Variants in VIRMA observed in about 807,000 individuals in gnomAD.
The protein encoded by VIRMA is vir like m6A methyltransferase associated.
Under a neutral mutation model 182.4 loss-of-function variants are expected in VIRMA, and 65 were observed. That is an observed-to-expected ratio of 0.36 (90% CI 0.29 to 0.44). The LOEUF (loss-of-function observed/expected upper bound fraction) is 0.44. Ranked by LOEUF, VIRMA falls within the 20% of genes least tolerant of loss-of-function variation. The probability of loss-of-function intolerance (pLI) is 1.00; values close to 1 mark genes in which losing one functional copy is unlikely to be tolerated. For missense variants in VIRMA, 1,752 were observed against 2,158.1 expected, an observed-to-expected ratio of 0.81 and a Z score of 3.73; for synonymous variants, 709 against 743.1, an observed-to-expected ratio of 0.95 and a Z score of 0.75.
chr8:94,546,371 C>G (rs768980053), intron 1 of VIRMA, among the ~76,000 whole-genome samples: 1 of 150,918 alleles, frequency 6.6e-6, no homozygotes, highest in Non-Finnish European at 1.5e-5. Context: ...ACATATTGCC[C>G]AAGACATTAT....
At position 94,543,949 on chromosome 8, in the gene VIRMA, C is replaced by CA. The variant is rs772360307; in HGVS notation, c.64-8dup. The CA allele has an allele frequency of 4.0e-4, 573 of 1,436,646 alleles. No homozygotes were observed. Among genetic ancestry groups the CA allele is most frequent in the African/African-American group, 8.7e-4 (60 of 68,824 alleles). 89.0% of individuals were successfully genotyped at this position (1,436,646 alleles called of 1,614,324 possible). A position where few individuals can be genotyped will look rare whatever the true frequency, so the allele number is the denominator to read the frequency against. On this transcript the variant is annotated splice_region_variant and splice_polypyrimidine_tract_variant and intron_variant, in intron 1 of 23. Coordinates refer to ENST00000297591, the MANE Select transcript of VIRMA (RefSeq NM_015496.5). ...CATCTATATGAGAACTTTGCTGTAACAAAAAAAAAGCCGGAGGGGGAGGGG... is the reference window on the plus strand; with the variant it reads ...CATCTATATGAGAACTTTGCTGTAACAAAAAAAAAAGCCGGAGGGGGAGGGG...
intron 1 of VIRMA, 32 bp from the exon 2 acceptor site, chr8:94,543,974 G>T: frequency 9.1e-7 from 1 of 1,102,256 alleles, no homozygotes; most frequent in Non-Finnish European, 1.4e-6. Flanking sequence ...AGGGGGAGGG[G>T]TTCGGAACAT....
intron 1 of VIRMA, chr8:94,547,186 T>G (rs1815800929): frequency 3.1e-6 from 1 of 324,550 alleles, no homozygotes; most frequent in African/African-American, 2.3e-5. Flanking sequence ...TTACTGTATA[T>G]TCATAGTGCC....
At chr8:94,544,615 C>T (rs564062490) in intron 1 of VIRMA, among the ~76,000 whole-genome samples, 9 of 142,728 alleles carry the variant, frequency 6.3e-5, no homozygotes, top group African/African-American at 2.3e-4. Flanking sequence ...GTGCTGAGAT[C>T]GCGCCACTGC....
At chr8:94,514,768 TAAC>T in intron 11 of VIRMA, 98 bp downstream of exon 11, 1 of 641,698 alleles carries the variant, frequency 1.6e-6, no homozygotes, top group Non-Finnish European at 2.8e-6. Context: ...CAAGGACACT[TAAC>T]AATGTCTACA....
In VIRMA at chr8:94,543,619, A is replaced by C. The variant is rs186336184; in HGVS notation, c.179+208T>G. ...AATAAAGAAAAATCTTATCTAGTAC[A>C]CAGGTCAAATAATTACTGTTTTCAG... On this transcript the variant is annotated intron_variant, in intron 2 of 23. Transcript: ENST00000297591. 4.6e-5 allele frequency among the ~76,000 whole-genome samples: 7 copies of C among 152,178 alleles called. No individual in the cohort carries two copies. In the East Asian group the frequency reaches 1.3e-3, roughly 29 times the overall value.
chr8:94,495,794 C>T lies in VIRMA; in HGVS notation c.4481G>A (p.Ser1494Asn), dbSNP rs367623928. Residue 1494 changes from serine to asparagine, a missense_variant, in exon 19 of 24, where the codon AGT (serine) becomes AAT (asparagine). Ser to Asn is a conservative substitution (Grantham distance 46, BLOSUM62 1). This residue lies in a region of VIRMA where 777 missense variants were observed against 920.6 expected (regional missense o/e 0.84). Coordinates refer to ENST00000297591, the MANE Select transcript of VIRMA (RefSeq NM_015496.5). The part of the protein sequence containing the change: ...LESSGDPLPL[S>N]DQDVEPVLSA... ...AAGTACTGGTTCTACATCCTGGTCA[C>T]TGAGAGGTAAAGGGTCACCTGATGA... 6 of 1,613,888 alleles carry T rather than the reference C, an allele frequency of 3.7e-6. No individual in the cohort carries two copies. Among genetic ancestry groups the T allele is most frequent in the Non-Finnish European group, 5.1e-6 (6 of 1,179,936 alleles).
chr8:94,546,291 A>C (rs1232495486), intron 1 of VIRMA, among the ~76,000 whole-genome samples: 1 of 150,994 alleles, frequency 6.6e-6, no homozygotes, highest in Non-Finnish European at 1.5e-5. Flanking sequence ...CTCCATTTCA[A>C]TGTCCCTTGT....
At chr8:94,522,637 A>G (rs1814813150) in intron 8 of VIRMA, among the ~76,000 whole-genome samples, 1 of 152,128 alleles carries the variant, frequency 6.6e-6, no homozygotes. Flanking sequence ...TTCGCCTACT[A>G]GGTCCTGTTG....
In VIRMA at chr8:94,489,923, T is replaced by C. The variant is rs1380856998; in HGVS notation, c.5284+16A>G. 2 of 1,608,680 alleles carry C rather than the reference T, an allele frequency of 1.2e-6. No homozygotes were observed. Among genetic ancestry groups the C allele is most frequent in the South Asian group, 1.1e-5 (1 of 90,046 alleles). On this transcript the variant is annotated intron_variant, in intron 23 of 23. Transcript: ENST00000297591. The stretch of plus-strand genomic sequence containing the variant: ...CTTCCCTTCTCTCAGCAATATCAAG[T>C]AGCAAGGATGTATACCTGTAGAACT...
At chr8:94,531,502 C>G (rs1323898462) in intron 5 of VIRMA, among the ~76,000 whole-genome samples, 1 of 152,148 alleles carries the variant, frequency 6.6e-6, no homozygotes, top group Non-Finnish European at 1.5e-5. Flanking sequence ...TTAATAACAT[C>G]GGAATTTCTG....
intron 7 of VIRMA, 52 bp from the exon 8 acceptor site, chr8:94,527,415 C>A: frequency 9.1e-7 from 1 of 1,103,508 alleles, no homozygotes; most frequent in Non-Finnish European, 1.3e-6. Context: ...TTGTCTAATA[C>A]ATAAATTCTG....
rs1815289712 is a variant in VIRMA at position 94,534,910 on chromosome 8, G to C, written c.413C>G (p.Ser138Cys). The C allele has an allele frequency of 9.3e-6, 15 of 1,613,590 alleles. No individual in the cohort carries two copies. Among genetic ancestry groups the C allele is most frequent in the Non-Finnish European group, 1.3e-5 (15 of 1,179,872 alleles). The change falls in exon 5 of 24, where the codon TCT (serine) becomes TGT (cysteine). Residue 138 changes from serine (S) to cysteine (C), a missense_variant. By Grantham distance (112) the Ser-to-Cys change is moderately radical (BLOSUM62 -1). Transcript: ENST00000297591. ...TGGCGGTGGAGGTGGTGGTGGTGGA[G>C]AGTCTCTGTCATGACTTATCACTCT... ...VDRVISHDRD[S>C]PPPPPPPPPP... is the part of the protein sequence containing the mutation.
chr8:94,541,786 C>T (rs112281626), intron 2 of VIRMA, among the ~76,000 whole-genome samples: 6,073 of 152,288 alleles, frequency 0.04, 131 homozygotes, highest in Non-Finnish European at 0.05. Flanking sequence ...AAATGATCTA[C>T]CTGCCTCAGC....
intron 14 of VIRMA, 38 bp downstream of exon 14, chr8:94,510,379 A>G: frequency 6.5e-7 from 1 of 1,531,370 alleles, no homozygotes; most frequent in Non-Finnish European, 9.0e-7. Context: ...TGTCAAAAAT[A>G]ATTTGAGGAA....
At chr8:94,504,771 C>G (rs117037552) in intron 16 of VIRMA, among the ~76,000 whole-genome samples, 1,846 of 152,176 alleles carry the variant, frequency 0.012, 18 homozygotes, top group Middle Eastern at 0.061. Flanking sequence ...ATCCACAGGA[C>G]TTAATGAGAT....
intron 11 of VIRMA, among the ~76,000 whole-genome samples, chr8:94,514,121 A>T (rs1018348734): frequency 6.6e-6 from 1 of 151,978 alleles, no homozygotes; most frequent in Admixed American, 6.5e-5. Context: ...ACGTGCATGC[A>T]TGCGTGTGCG....
In VIRMA at chr8:94,530,958, T is replaced by C. The variant is rs1333364679; in HGVS notation, c.607+5A>G. 2.5e-6 allele frequency: 4 copies of C among 1,599,844 alleles called. No homozygotes were observed. Among genetic ancestry groups the C allele is most frequent in the Non-Finnish European group, 3.4e-6 (4 of 1,174,758 alleles). Reference sequence around the variant, plus strand: ...GGAAAACCTTAGCACTGGTTTTATTTATACCTGGCAGAGGCACAGGATCAT... The same window carrying C: ...GGAAAACCTTAGCACTGGTTTTATTCATACCTGGCAGAGGCACAGGATCAT... On this transcript the variant is annotated splice_donor_5th_base_variant and intron_variant, in intron 6 of 23. Coordinates refer to ENST00000297591, the MANE Select transcript of VIRMA (RefSeq NM_015496.5).
chr8:94,495,024 GAC>G (rs1813723442), intron 19 of VIRMA, 68 bp from the exon 20 acceptor site: 3 of 1,031,572 alleles, frequency 2.9e-6, no homozygotes, highest in Non-Finnish European at 4.6e-6. Flanking sequence ...TTTTTTTTGA[GAC>G]ACAGTCTTGC....
Sources: gnomAD v4.1 joint callset for allele counts (sites outside exome capture counted in the v4.1 genomes callset) on GRCh38, gnomAD v4.1.1 for gene constraint, gnomAD v4.1.1 regional missense constraint, MANE v1.5 for transcripts, NCBI Gene and HGNC (gene_info 2026-07-23, HGNC 2026-07-21) for gene names.